Variants in UTP18 observed in about 807,000 individuals in gnomAD.
UTP18 encodes the protein U3 small nucleolar RNA-associated protein 18 homolog.
In UTP18, 36 loss-of-function variants were observed where a neutral mutation model predicts 61.1. The observed-to-expected ratio is 0.59, with a 90% CI of 0.45 to 0.78. The LOEUF (loss-of-function observed/expected upper bound fraction) is 0.78. Ranked by LOEUF, UTP18 falls within the 30% of genes least tolerant of loss-of-function variation. The pLI is 0.00. For synonymous variants in UTP18, 282 were observed against 251.1 expected (o/e 1.12, Z -1.16); for missense variants, 753 against 693.9 (o/e 1.09, Z -0.96).
chr17:51,270,323 A>G (rs1245183875), intron 4 of UTP18, among the ~76,000 whole-genome samples: 1 of 152,136 alleles, frequency 6.6e-6, no homozygotes. Context: ...AATATGTTAA[A>G]CATCCCTCGT....
chr17:51,277,503 G>A (rs943259122), intron 7 of UTP18, among the ~76,000 whole-genome samples, 199 bp downstream of exon 7: 19 of 152,066 alleles, frequency 1.2e-4, no homozygotes, highest in African/African-American at 3.6e-4. Context: ...GAACACTTAC[G>A]GAATGATCAT....
At position 51,268,007 on chromosome 17, in the gene UTP18, GTTTTTTGTTT is replaced by G. The variant is rs1904358857; in HGVS notation, c.555-823_555-814del. Reference sequence around the variant, plus strand: ...ACCAGTTGTTGTTTTTTTGTTTTTTGTTTTTTGTTTTTTTTTTTTTGAGATGGAGCCTGGC... The same window carrying G: ...ACCAGTTGTTGTTTTTTTGTTTTTTGTTTTTTTTTTGAGATGGAGCCTGGC... On this transcript the variant is annotated intron_variant, in intron 3 of 13. Transcript: ENST00000225298. 4.6e-5 allele frequency among the ~76,000 whole-genome samples: 6 copies of G among 130,606 alleles called. No individual in the cohort carries two copies. In the South Asian group the frequency reaches 1.5e-3, roughly 33 times the overall value. 85.7% of individuals were successfully genotyped at this position (130,606 alleles called of 152,430 possible).
chr17:51,274,905 A>G (rs1904665019), intron 5 of UTP18, among the ~76,000 whole-genome samples: 1 of 151,592 alleles, frequency 6.6e-6, no homozygotes, highest in South Asian at 2.1e-4. Flanking sequence ...TTAAAAATGT[A>G]GTTACCACAT....
intron 3 of UTP18, 105 bp downstream of exon 3, chr17:51,266,385 AG>A (rs1189054995): frequency 1.3e-6 from 1 of 746,474 alleles, no homozygotes; most frequent in African/African-American, 1.9e-5. Context: ...AAACAGTAAG[AG>A]GATTGCTATT....
intron 1 of UTP18, among the ~76,000 whole-genome samples, chr17:51,261,946 A>G (rs1474034841): frequency 6.6e-6 from 1 of 152,208 alleles, no homozygotes; most frequent in African/African-American, 2.4e-5. Context: ...CGTCTGGAAA[A>G]GGAACAGTGT....
intron 4 of UTP18, 42 bp downstream of exon 4, chr17:51,268,946 T>C: frequency 1.9e-6 from 3 of 1,573,884 alleles, no homozygotes; most frequent in Non-Finnish European, 1.7e-6. Flanking sequence ...CATAAGTCCC[T>C]GTTCCTGTTC....
chr17:51,295,924 T>C (rs1905358872), intron 12 of UTP18, among the ~76,000 whole-genome samples: 1 of 152,218 alleles, frequency 6.6e-6, no homozygotes, highest in Non-Finnish European at 1.5e-5. Context: ...TATTTCCACT[T>C]TCTTCGTGCC....
chr17:51,290,552 C>T (rs1422636906), intron 11 of UTP18, among the ~76,000 whole-genome samples: 8 of 152,002 alleles, frequency 5.3e-5, no homozygotes, highest in Non-Finnish European at 7.4e-5. Context: ...CTTTAAAATC[C>T]CTGCTCCCTA....
chr17:51,266,295 T>C lies in UTP18; in HGVS notation c.554+15T>C, dbSNP rs2055560387. 1 of 1,562,900 alleles carries C rather than the reference T, an allele frequency of 6.4e-7. No homozygotes were observed. The highest frequency in any genetic ancestry group is 1.4e-5 in the African/African-American group (1 of 72,484). ...CTTAAAGAAGAGTAAGTGTCTTTTT[T>C]CATATGATTTACCAAGAGGTGTATG... On this transcript the variant is annotated intron_variant, in intron 3 of 13. Coordinates refer to ENST00000225298, the MANE Select transcript of UTP18 (RefSeq NM_016001.3).
At chr17:51,268,537 G>A (rs1904387580) in intron 3 of UTP18, among the ~76,000 whole-genome samples, 1 of 152,174 alleles carries the variant, frequency 6.6e-6, no homozygotes, top group African/African-American at 2.4e-5. Flanking sequence ...CCTGATATCT[G>A]GGATGTGTTG....
intron 9 of UTP18, among the ~76,000 whole-genome samples, chr17:51,282,674 A>G (rs1291846221): frequency 6.6e-6 from 1 of 152,148 alleles, no homozygotes; most frequent in Non-Finnish European, 1.5e-5. Flanking sequence ...AATTTGATAT[A>G]TGAATTGGAC....
At chr17:51,264,573 A>G (rs1196869103) in intron 2 of UTP18, among the ~76,000 whole-genome samples, 1 of 146,772 alleles carries the variant, frequency 6.8e-6, no homozygotes, top group Non-Finnish European at 1.5e-5. Context: ...GTTTCAGTCC[A>G]TTCTTAGACA....
At chr17:51,272,712 G>A (rs753494154) in intron 4 of UTP18, among the ~76,000 whole-genome samples, 2 of 152,118 alleles carry the variant, frequency 1.3e-5, no homozygotes, top group South Asian at 2.1e-4. Context: ...CTTTGATTTC[G>A]TCTTTAATCC....
In UTP18 at chr17:51,266,249, A is replaced by G; in HGVS notation, c.523A>G (p.Lys175Glu). 1 of 1,601,476 alleles carries G rather than the reference A, an allele frequency of 6.2e-7. No homozygotes were observed. Among genetic ancestry groups the G allele is most frequent in the Non-Finnish European group, 8.5e-7 (1 of 1,176,054 alleles). ...MKNASESKLSKDNLKKRLKEE... is the reference protein window; with the variant it reads ...MKNASESKLSEDNLKKRLKEE... ...AAATGCTAGTGAAAGTAAACTTTCG[A>G]AAGACAACCTTAAAAAGAGACTTAA... The change falls in exon 3 of 14, where the codon AAA becomes GAA. Residue 175 changes from lysine (K) to glutamate (E), a missense_variant. Transcript: ENST00000225298.
rs763633457 is a variant in UTP18 at position 51,280,400 on chromosome 17, G to C, written c.1125G>C (p.Leu375=). The change falls in exon 9 of 14, where the codon CTG becomes CTC. Residue 375 remains leucine (L), a synonymous_variant. Coordinates refer to ENST00000225298, the MANE Select transcript of UTP18 (RefSeq NM_016001.3). ...ATTTATTGTTTTAGACCAAAGAACT[G>C]ATTGGAAGCATGAAAATTAATGGAA... ...LHLLAMKTKE[L]IGSMKINGRV... 6.2e-6 allele frequency: 10 copies of C among 1,614,054 alleles called. No individual in the cohort carries two copies. The South Asian group carries it at 6.6e-5, about 11-fold the overall frequency.
At chr17:51,285,022 T>C (rs1322284330) in intron 9 of UTP18, among the ~76,000 whole-genome samples, 2 of 151,170 alleles carry the variant, frequency 1.3e-5, no homozygotes, top group African/African-American at 2.4e-5. Flanking sequence ...GATGGCGCAG[T>C]TACACTCCAG....
intron 4 of UTP18, among the ~76,000 whole-genome samples, chr17:51,270,308 T>G (rs8077559): frequency 0.15 from 22,158 of 152,226 alleles, 3,013 homozygotes; most frequent in African/African-American, 0.36. Flanking sequence ...CCATGTTTGT[T>G]TTTTAATATG....
At chr17:51,291,792 T>C (rs1905246230) in intron 11 of UTP18, among the ~76,000 whole-genome samples, 2 of 151,646 alleles carry the variant, frequency 1.3e-5, no homozygotes, top group South Asian at 4.2e-4. Context: ...AAAGGTTGGT[T>C]CTAGTGTATT....
In UTP18 at chr17:51,282,617, T is replaced by TTGGGGAGGGAAAAGAGG. The variant is rs1278772088; in HGVS notation, c.1204+2148_1204+2164dup. ...GAGAGAGTCGGGGAGGGAGAAGAGGTTGGGGAGGGAAAAGAGGTGGGGAGG... is the reference window on the plus strand; with the variant it reads ...GAGAGAGTCGGGGAGGGAGAAGAGGTTGGGGAGGGAAAAGAGGTGGGGAGGGAAAAGAGGTGGGGAGG... On this transcript the variant is annotated intron_variant, in intron 9 of 13. Transcript: ENST00000225298. Among the ~76,000 whole-genome samples, 234 of 150,968 alleles carry TTGGGGAGGGAAAAGAGG rather than the reference T, an allele frequency of 1.5e-3. 1 individual carries two copies. The highest frequency in any genetic ancestry group is 3.2e-3 in the South Asian group (15 of 4,744).
Sources: allele counts gnomAD v4.1 joint callset (sites outside exome capture counted in the v4.1 genomes callset), GRCh38; gene constraint gnomAD v4.1.1; transcripts MANE v1.5; gene names NCBI Gene and HGNC (gene_info 2026-07-23, HGNC 2026-07-21).